Variants in ZNF75D observed in about 807,000 individuals in gnomAD.
The protein encoded by ZNF75D is zinc finger protein 75D.
Under a neutral mutation model 33.3 loss-of-function variants are expected in ZNF75D, and 33 were observed. The ratio of observed to expected loss-of-function variants is 0.99; its 90% confidence interval spans 0.75 to 1.32. The LOEUF is 1.32. Ranked by LOEUF, ZNF75D falls within the 40% of genes most tolerant of loss-of-function variation. The pLI, the probability that ZNF75D is intolerant of heterozygous loss-of-function variation, is 0.00. For synonymous variants in ZNF75D, 113 were observed against 130.6 expected, an observed-to-expected ratio of 0.87 and a Z score of 0.92; for missense variants, 338 against 367.5, an observed-to-expected ratio of 0.92 and a Z score of 0.66.
At chrX:135,277,518 T>A (rs781800619) in intron 1 of ZNF75D, among the ~76,000 whole-genome samples, 56 of 112,679 alleles carry the variant, frequency 5.0e-4, no homozygotes, top group Admixed American at 4.9e-3. Context: ...AATTTTGGCT[T>A]TTGTTGCCAT....
chrX:135,290,084 T>G (rs1389332709), intron 6 of ZNF75D, among the ~76,000 whole-genome samples: 1 of 112,102 alleles, frequency 8.9e-6, no homozygotes, highest in Non-Finnish European at 1.9e-5. Context: ...AGTCGTGTGG[T>G]GTGAATTGGT....
At chrX:135,284,036 A>G (rs1036545409), downstream of ZNF75D, among the ~76,000 whole-genome samples, 1 of 111,638 alleles carries the variant, frequency 9.0e-6, no homozygotes, top group Non-Finnish European at 1.9e-5. Context: ...TGCTCAGCTC[A>G]TCTTCTCTGG....
At chrX:135,311,745 T>A (rs1318640917) in intron 1 of ZNF75D, among the ~76,000 whole-genome samples, 1 of 112,128 alleles carries the variant, frequency 8.9e-6, no homozygotes, top group African/African-American at 3.2e-5. Flanking sequence ...TCTGCTTCTA[T>A]GGGTTCAACT....
chrX:135,306,910 C>T (rs1424975337), intron 1 of ZNF75D, among the ~76,000 whole-genome samples: 3 of 110,729 alleles, frequency 2.7e-5, no homozygotes, highest in Non-Finnish European at 5.7e-5. Context: ...ATGGGGTCTC[C>T]GTATGTTACC....
intron 1 of ZNF75D, among the ~76,000 whole-genome samples, chrX:135,309,881 G>A (rs1034236136): frequency 1.5e-4 from 17 of 111,665 alleles, no homozygotes; most frequent in Admixed American, 1.1e-3. Flanking sequence ...TCATCCTAAC[G>A]CACAGTGCAG....
chrX:135,293,287 T>A (rs1427683966), intron 3 of ZNF75D, among the ~76,000 whole-genome samples: 3 of 112,097 alleles, frequency 2.7e-5, no homozygotes, highest in African/African-American at 9.7e-5. Context: ...CTTTCCATTT[T>A]GTTCTCTTTC....
At chrX:135,326,862 G>A (rs190106699) in intron 1 of ZNF75D, among the ~76,000 whole-genome samples, 25 of 111,569 alleles carry the variant, frequency 2.2e-4, no homozygotes, top group African/African-American at 7.5e-4. Flanking sequence ...GAACACATCC[G>A]AACATCAGAA....
intron 6 of ZNF75D, 43 bp from the exon 7 acceptor site, chrX:135,287,889 A>C (rs782694308): frequency 1.0e-6 from 1 of 997,822 alleles, no homozygotes; most frequent in Admixed American, 2.8e-5. Context: ...TGTCCCAGTG[A>C]AAGAAAGCTA....
chrX:135,302,536 C>T (rs781869731), intron 1 of ZNF75D, among the ~76,000 whole-genome samples: 4 of 112,532 alleles, frequency 3.6e-5, no homozygotes, highest in African/African-American at 6.5e-5. Context: ...TGTAGCAGAG[C>T]GGGACTTAAC....
At chrX:135,300,904 T>G (rs1271970635) in intron 1 of ZNF75D, among the ~76,000 whole-genome samples, 1 of 112,085 alleles carries the variant, frequency 8.9e-6, no homozygotes, top group Non-Finnish European at 1.9e-5. Context: ...GGCTTTATGC[T>G]GAACCATATG....
chrX:135,320,944 G>T (rs1462615832), intron 1 of ZNF75D, among the ~76,000 whole-genome samples: 13 of 110,698 alleles, frequency 1.2e-4, no homozygotes, highest in Admixed American at 1.9e-4. Flanking sequence ...GGTTGGGGGG[G>T]GTTATCTTAG....
At chrX:135,260,048 T>A (rs2083832387) in intron 1 of ZNF75D, among the ~76,000 whole-genome samples, 1 of 112,272 alleles carries the variant, frequency 8.9e-6, no homozygotes, top group South Asian at 3.7e-4. Flanking sequence ...TCTCTTGAGA[T>A]AATCATGTGC....
chrX:135,289,580 C>T, intron 6 of ZNF75D, among the ~76,000 whole-genome samples: 2 of 108,935 alleles, frequency 1.8e-5, no homozygotes, highest in Middle Eastern at 4.7e-3. Flanking sequence ...TGCACCACTG[C>T]ACTCCAGCCT....
intron 1 of ZNF75D, among the ~76,000 whole-genome samples, chrX:135,308,859 C>A (rs782326686): frequency 8.9e-6 from 1 of 112,076 alleles, no homozygotes; most frequent in East Asian, 2.8e-4. Context: ...TCCATACCTG[C>A]GTCACCAGTG....
At chrX:135,319,629 A>G (rs901082289) in intron 1 of ZNF75D, among the ~76,000 whole-genome samples, 2 of 112,107 alleles carry the variant, frequency 1.8e-5, no homozygotes, top group African/African-American at 3.2e-5. Flanking sequence ...TGTGGAGGTG[A>G]TTAGGGAAAT....
intron 1 of ZNF75D, chrX:135,309,404 T>C (rs1406956278): frequency 6.8e-6 from 2 of 292,171 alleles, no homozygotes; most frequent in African/African-American, 5.5e-5. Context: ...ATCCACTTGA[T>C]TACATGGAAT....
downstream of ZNF75D, among the ~76,000 whole-genome samples, chrX:135,282,523 T>A (rs1362982116): frequency 9.0e-6 from 1 of 111,397 alleles, no homozygotes; most frequent in Admixed American, 9.5e-5. Flanking sequence ...GTTCTCCAGG[T>A]GCCACTGGGT....
intron 1 of ZNF75D, among the ~76,000 whole-genome samples, chrX:135,341,084 C>T (rs1276526325): frequency 9.0e-6 from 1 of 111,623 alleles, no homozygotes; most frequent in Non-Finnish European, 1.9e-5. Context: ...TGGCAGTCTA[C>T]TAAATTCTTC....
chrX:135,274,208 T>C (rs2083892082), intron 1 of ZNF75D, among the ~76,000 whole-genome samples: 1 of 112,310 alleles, frequency 8.9e-6, no homozygotes. Flanking sequence ...CAAATTGTCT[T>C]GTAAGTAAAA....
Sources: gnomAD v4.1 joint callset for allele counts (sites outside exome capture counted in the v4.1 genomes callset) on GRCh38, gnomAD v4.1.1 for gene constraint, MANE v1.5 for transcripts, NCBI Gene and HGNC (gene_info 2026-07-23, HGNC 2026-07-21) for gene names.